The following NDUFS4 variants were observed in gnomAD, a reference collection of about 807,000 sequenced individuals.
NDUFS4 encodes the protein NADH:ubiquinone oxidoreductase subunit S4, also known as NADH dehydrogenase [ubiquinone] iron-sulfur protein 4, mitochondrial.
NDUFS4 carries 28 observed loss-of-function variants against 24.3 expected under a neutral mutation model. The observed-to-expected ratio is 1.15, with a 90% confidence interval of 0.85 to 1.58. The LOEUF (loss-of-function observed/expected upper bound fraction) is 1.58, where lower values mean the gene tolerates loss of function less well. NDUFS4 is among the 40% of genes most tolerant of loss of function. The pLI, the probability that NDUFS4 is intolerant of heterozygous loss-of-function variation, is 0.00. For synonymous variants in NDUFS4, 93 were observed against 69.7 expected (o/e 1.34, Z -1.67); for missense variants, 223 against 207.9 (o/e 1.07, Z -0.45).
intron 1 of NDUFS4, among the ~76,000 whole-genome samples, chr5:53,570,348 C>T (rs1027525320): frequency 7.2e-5 from 11 of 152,188 alleles, no homozygotes; most frequent in African/African-American, 9.6e-5. Flanking sequence ...TTTCATGTAT[C>T]GACAGTTTGT....
intron 2 of NDUFS4, among the ~76,000 whole-genome samples, chr5:53,623,659 T>C (rs1751125924): frequency 6.6e-6 from 1 of 152,210 alleles, no homozygotes; most frequent in Admixed American, 6.5e-5. Flanking sequence ...CTCCTATGTT[T>C]TCTTCTCAAA....
At chr5:53,583,924 A>G (rs750516704) in intron 1 of NDUFS4, among the ~76,000 whole-genome samples, 9 of 152,216 alleles carry the variant, frequency 5.9e-5, no homozygotes, top group Non-Finnish European at 1.0e-4. Context: ...AAATGTGTGA[A>G]AGAATTCAAG....
At chr5:53,635,502 G>A (rs1751524716) in intron 2 of NDUFS4, among the ~76,000 whole-genome samples, 1 of 152,026 alleles carries the variant, frequency 6.6e-6, no homozygotes, top group African/African-American at 2.4e-5. Flanking sequence ...CCTGGGTGAT[G>A]GAGTGAGATC....
chr5:53,621,995 C>T (rs112720265), intron 2 of NDUFS4, among the ~76,000 whole-genome samples: 74 of 151,952 alleles, frequency 4.9e-4, no homozygotes, highest in African/African-American at 1.4e-3. Context: ...CCACCGCGCC[C>T]GGCCGTAAAT....
chr5:53,663,229 C>T (rs1424513813), intron 4 of NDUFS4, among the ~76,000 whole-genome samples: 1 of 152,122 alleles, frequency 6.6e-6, no homozygotes, highest in African/African-American at 2.4e-5. Flanking sequence ...TTTACATTTG[C>T]TGAGGTGTGC....
chr5:53,578,729 C>T (rs1379998340), intron 1 of NDUFS4, among the ~76,000 whole-genome samples: 2 of 152,168 alleles, frequency 1.3e-5, no homozygotes, highest in African/African-American at 4.8e-5. Context: ...TCCTGCTCCT[C>T]CTCGATGTCA....
intron 4 of NDUFS4, among the ~76,000 whole-genome samples, chr5:53,669,406 T>C (rs913579711): frequency 2.0e-5 from 3 of 152,198 alleles, no homozygotes; most frequent in Admixed American, 6.5e-5. Flanking sequence ...ACCTCGTTAA[T>C]ACTGTTCTCA....
intron 1 of NDUFS4, among the ~76,000 whole-genome samples, chr5:53,590,116 A>AT (rs201270681): frequency 7.4e-4 from 113 of 152,316 alleles, no homozygotes; most frequent in Non-Finnish European, 1.2e-3. Context: ...TGGTAGAATG[A>AT]TTTTTTTAAA....
chr5:53,661,218 T>C (rs1415331884), intron 4 of NDUFS4, among the ~76,000 whole-genome samples: 1 of 152,328 alleles, frequency 6.6e-6, no homozygotes, highest in South Asian at 2.1e-4. Context: ...TTTCTACATA[T>C]GGCTAGCCAG....
chr5:53,562,958 G>A (rs1192307843), intron 1 of NDUFS4, among the ~76,000 whole-genome samples: 4 of 152,134 alleles, frequency 2.6e-5, no homozygotes, highest in African/African-American at 9.7e-5. Context: ...GGCCGGGCGC[G>A]GTGGCTCACA....
intron 1 of NDUFS4, among the ~76,000 whole-genome samples, chr5:53,583,742 G>A (rs904829509): frequency 2.0e-5 from 3 of 152,206 alleles, no homozygotes; most frequent in African/African-American, 7.2e-5. Context: ...ACTGGGAGTT[G>A]ATGGGTGGCA....
intron 2 of NDUFS4, among the ~76,000 whole-genome samples, chr5:53,630,938 T>C (rs893921891): frequency 1.3e-5 from 2 of 152,344 alleles, no homozygotes; most frequent in African/African-American, 2.4e-5. Context: ...TGAGGAGTTA[T>C]GATCCTTTGG....
intron 2 of NDUFS4, among the ~76,000 whole-genome samples, chr5:53,604,451 C>G (rs1294201400): frequency 6.6e-6 from 1 of 152,160 alleles, no homozygotes; most frequent in African/African-American, 2.4e-5. Context: ...TTAAAATTAT[C>G]TCTTCAGTTT....
intron 1 of NDUFS4, among the ~76,000 whole-genome samples, chr5:53,575,384 T>G (rs1749349618): frequency 6.6e-6 from 1 of 152,114 alleles, no homozygotes; most frequent in African/African-American, 2.4e-5. Flanking sequence ...CAGGGTACAG[T>G]GTGCTTGCTA....
chr5:53,658,412 T>C, intron 3 of NDUFS4, 139 bp from the exon 4 acceptor site: 2 of 642,616 alleles, frequency 3.1e-6, no homozygotes, highest in Non-Finnish European at 5.5e-6. Context: ...CTAACAGTTT[T>C]AAAGAAATTA....
At chr5:53,568,389 A>T (rs544747883) in intron 1 of NDUFS4, among the ~76,000 whole-genome samples, 1 of 152,312 alleles carries the variant, frequency 6.6e-6, no homozygotes, top group South Asian at 2.1e-4. Flanking sequence ...GGATTAAAAA[A>T]AAAGTTTCCA....
chr5:53,673,729 ATTTATGT>A (rs1740366592), intron 4 of NDUFS4, among the ~76,000 whole-genome samples: 1 of 152,126 alleles, frequency 6.6e-6, no homozygotes, highest in Non-Finnish European at 1.5e-5. Context: ...TTCCAGTTTC[ATTTATGT>A]GTATCTTTTA....
intron 1 of NDUFS4, among the ~76,000 whole-genome samples, chr5:53,575,501 A>G (rs571687475): frequency 2.0e-4 from 30 of 147,304 alleles, no homozygotes; most frequent in African/African-American, 7.5e-4. Context: ...ATCTAAAATG[A>G]CTCAAAATAT....
intron 1 of NDUFS4, among the ~76,000 whole-genome samples, chr5:53,598,494 AAT>A (rs1401012030): frequency 1.3e-5 from 2 of 152,230 alleles, no homozygotes; most frequent in African/African-American, 4.8e-5. Context: ...ACTAGAATCA[AAT>A]AGACTGTCAT....
Sources: gnomAD v4.1 joint callset for allele counts (sites outside exome capture counted in the v4.1 genomes callset) on GRCh38, gnomAD v4.1.1 for gene constraint, MANE v1.5 for transcripts, NCBI Gene and HGNC (gene_info 2026-07-23, HGNC 2026-07-21) for gene names.